Variants in FRMD1 observed in about 807,000 individuals in gnomAD.
FRMD1 encodes the protein FERM domain-containing protein 1.
A neutral mutation model predicts 54.9 loss-of-function variants in FRMD1; 51 were observed. The observed-to-expected ratio is 0.93, with a 90% confidence interval of 0.74 to 1.17. FRMD1 has a LOEUF of 1.17. Ranked by LOEUF, FRMD1 falls within the 50% of genes most tolerant of loss-of-function variation. The probability of loss-of-function intolerance (pLI) is 0.00; values close to 1 mark genes in which losing one functional copy is unlikely to be tolerated. For missense variants in FRMD1, 729 were observed against 743.0 expected (o/e 0.98, Z 0.22); for synonymous variants, 324 against 306.4 (o/e 1.06, Z -0.60).
chr6:168,081,645 G>C, upstream of FRMD1: 1 of 873,784 alleles, frequency 1.1e-6, no homozygotes. Context: ...TGGGAATGCT[G>C]TTCCGTGGTG....
In FRMD1 at chr6:168,060,795, G is replaced by A; in HGVS notation, c.1308C>T (p.Ser436=). 1 of 1,612,144 alleles carries A rather than the reference G, an allele frequency of 6.2e-7. No homozygotes were observed. The highest frequency in any genetic ancestry group is 8.5e-7 in the Non-Finnish European group (1 of 1,178,764). ...CACCACGTGTGCTGGGGTGGCTGCG[G>A]CTGGTCCTGGGGCTGGAGGACGGCT... ...EKEPSSSPRT[S]RSHPSTRGDS... Residue 436 remains serine, a synonymous_variant, in exon 9 of 11, where the codon AGC becomes AGT. Coordinates refer to ENST00000283309, the MANE Select transcript of FRMD1 (RefSeq NM_024919.6).
At chr6:168,075,999 T>C (rs1800578116) in intron 1 of FRMD1, 2 of 907,436 alleles carry the variant, frequency 2.2e-6, no homozygotes, top group Non-Finnish European at 3.3e-6. Flanking sequence ...GTGACACTAC[T>C]TCACGCCTGT....
In FRMD1 at chr6:168,060,865, A is replaced by G; in HGVS notation, c.1238T>C (p.Met413Thr). ...ANSWLRESRE[M>T]SVDVPLEVHG... is the part of the protein sequence containing the mutation. The stretch of plus-strand genomic sequence containing the variant: ...GACCTCCAAGGGCACGTCCACAGAC[A>G]TCTCTCTGGATTCCCTGAGCCAGGA... Residue 413 changes from methionine to threonine, a missense_variant, in exon 9 of 11, where the codon ATG (methionine) becomes ACG (threonine). Transcript: ENST00000283309. The G allele has an allele frequency of 1.2e-6, 2 of 1,613,802 alleles. No homozygotes were observed. Among genetic ancestry groups the G allele is most frequent in the Non-Finnish European group, 1.7e-6 (2 of 1,180,026 alleles).
intron 6 of FRMD1, among the ~76,000 whole-genome samples, chr6:168,063,399 C>T (rs1021300586): frequency 5.3e-5 from 8 of 151,454 alleles, no homozygotes; most frequent in Middle Eastern, 3.4e-3. Flanking sequence ...GGGCTCCATC[C>T]GTCCCTGGCC....
rs763029141 is a variant in FRMD1 at position 168,078,951 on chromosome 6, C to G, written c.144G>C (p.Ala48=). 1.2e-6 allele frequency: 2 copies of G among 1,610,664 alleles called. No homozygotes were observed. Among genetic ancestry groups the G allele is most frequent in the East Asian group, 4.5e-5 (2 of 44,852 alleles). ...SQQEPTLGMD[A]MASEHRDVLV... ...GGACATCCCTGTGTTCCGAGGCCATCGCGTCCATTCCCAGGGTCGGCTCCT... is the reference window on the plus strand; with the variant it reads ...GGACATCCCTGTGTTCCGAGGCCATGGCGTCCATTCCCAGGGTCGGCTCCT... Residue 48 remains alanine (A), a synonymous_variant, in exon 1 of 11, where the codon GCG becomes GCC. Transcript: ENST00000283309.
At chr6:168,058,615 C>G (rs563736435) in intron 10 of FRMD1, among the ~76,000 whole-genome samples, 1 of 152,214 alleles carries the variant, frequency 6.6e-6, no homozygotes, top group Non-Finnish European at 1.5e-5. Flanking sequence ...CTGAGCCCAC[C>G]TGTTCCCCAC....
At chr6:168,069,263 C>G (rs1035303801) in intron 2 of FRMD1, among the ~76,000 whole-genome samples, 83 of 152,228 alleles carry the variant, frequency 5.5e-4, no homozygotes, top group Non-Finnish European at 1.6e-4. Context: ...CAGGCCAAAC[C>G]CCAGCACCCA....
chr6:168,086,143 A>C (rs923209466), upstream of FRMD1, among the ~76,000 whole-genome samples: 1 of 152,024 alleles, frequency 6.6e-6, no homozygotes, highest in Non-Finnish European at 1.5e-5. Context: ...GTGGACACCT[A>C]TACCCCAGCA....
intron 7 of FRMD1, 185 bp downstream of exon 7, chr6:168,062,709 C>T: frequency 2.6e-6 from 4 of 1,552,008 alleles, no homozygotes; most frequent in South Asian, 2.4e-5. Flanking sequence ...CAGGGGAGGT[C>T]GTACAGCAGC....
upstream of FRMD1, among the ~76,000 whole-genome samples, chr6:168,080,903 G>A (rs189469864): frequency 1.5e-3 from 234 of 152,232 alleles, 1 homozygote; most frequent in African/African-American, 4.8e-3. Context: ...GTGTGTGGGC[G>A]CTGGTGTGTA....
At chr6:168,083,015 G>A (rs1429141640), upstream of FRMD1, among the ~76,000 whole-genome samples, 1 of 152,236 alleles carries the variant, frequency 6.6e-6, no homozygotes, top group Non-Finnish European at 1.5e-5. Flanking sequence ...GATGCTCTGA[G>A]GAGCCCCTCA....
In FRMD1 at chr6:168,061,883, C is replaced by G. The variant is rs765274085; in HGVS notation, c.969G>C (p.Leu323=). The stretch of plus-strand genomic sequence containing the variant: ...GGTGGAGCTGGTGGCTGGCGCGCAG[C>G]AGGTGCAGCAGGTGCCTGGACCGCC... ...CTWRSRHLLH[L]LRASHQLHLR... is the part of the protein sequence containing the mutation. The change falls in exon 8 of 11, where the codon CTG becomes CTC. Residue 323 remains leucine (L), a synonymous_variant. Coordinates refer to ENST00000283309, the MANE Select transcript of FRMD1 (RefSeq NM_024919.6). The G allele has an allele frequency of 2.5e-6, 4 of 1,591,124 alleles. No homozygotes were observed. The East Asian group carries it at 9.2e-5, about 36-fold the overall frequency.
chr6:168,088,822 C>T (rs1172058863), intron 1 of FRMD1, among the ~76,000 whole-genome samples: 2 of 44,874 alleles, frequency 4.5e-5, no homozygotes, highest in Admixed American at 2.5e-4. Context: ...CTCTCATAAA[C>T]ACATGCGCTA....
intron 7 of FRMD1, 131 bp downstream of exon 7, chr6:168,062,763 G>A (rs1029664303): frequency 1.5e-5 from 23 of 1,584,486 alleles, no homozygotes; most frequent in South Asian, 5.7e-5. Flanking sequence ...GAGGCAGGGC[G>A]CGTCCAGGCA....
chr6:168,060,413 G>C (rs1799660518), intron 9 of FRMD1, among the ~76,000 whole-genome samples: 1 of 152,014 alleles, frequency 6.6e-6, no homozygotes. Flanking sequence ...AGGAGTGGGA[G>C]GGGCTCCTGA....
intron 1 of FRMD1, among the ~76,000 whole-genome samples, chr6:168,092,387 G>T (rs1801029377): frequency 6.6e-6 from 1 of 152,214 alleles, no homozygotes. Flanking sequence ...TCACGCGAGG[G>T]GGATGGTGTT....
upstream of FRMD1, chr6:168,081,204 C>T: frequency 1.5e-6 from 1 of 687,644 alleles, no homozygotes; most frequent in Non-Finnish European, 2.2e-6. Context: ...GCTGAGGCTC[C>T]AAGGCAAGGG....
rs1053715539 is a variant in FRMD1, at chr6:168,054,089, T to G, written c.*3008A>C. On this transcript the variant is annotated 3_prime_UTR_variant, in exon 11 of 11. Transcript: ENST00000283309. The stretch of plus-strand genomic sequence containing the variant: ...GGCCACACCCTGCCCAGGGCCACCC[T>G]GTCACCACTCCAGACCAACTGCCCC... 6.6e-6 allele frequency: 1 copy of G among 152,436 alleles called. No homozygotes were observed. Among genetic ancestry groups the G allele is most frequent in the African/African-American group, 2.4e-5 (1 of 41,436 alleles). The allele number at this position is 152,436 out of a possible 1,614,324, so 9.4% of individuals were successfully genotyped here.
rs1488199053 is a variant in FRMD1, at chr6:168,061,958, C to T, written c.894G>A (p.Leu298=). 3 of 1,597,866 alleles carry T rather than the reference C, an allele frequency of 1.9e-6. No homozygotes were observed. Among genetic ancestry groups the T allele is most frequent in the South Asian group, 2.3e-5 (2 of 88,300 alleles). ...IYQGKKLEIQ[L]DGLPAAQKLV... ...GCTTCTGTGCTGCGGGCAGCCCATC[C>T]AGCTGGATCTCCAGCTTCTTTCCCT... Residue 298 remains leucine (L), a synonymous_variant, in exon 8 of 11, where the codon CTG becomes CTA. Transcript: ENST00000283309.
Sources: gnomAD v4.1 joint callset for allele counts (sites outside exome capture counted in the v4.1 genomes callset) on GRCh38, gnomAD v4.1.1 for gene constraint, MANE v1.5 for transcripts, NCBI Gene and HGNC (gene_info 2026-07-23, HGNC 2026-07-21) for gene names.